Variants in RAB33A observed in about 807,000 individuals in gnomAD.
RAB33A encodes RAB33A, member RAS oncogene family.
A neutral mutation model predicts 12.0 loss-of-function variants in RAB33A; 6 were observed. The observed-to-expected ratio is 0.50, with a 90% CI of 0.27 to 0.99. The LOEUF is 0.99. RAB33A is among the 50% of genes least tolerant of loss of function. The pLI, the probability that RAB33A is intolerant of heterozygous loss-of-function variation, is 0.11. For missense variants in RAB33A, 109 were observed against 192.0 expected, an observed-to-expected ratio of 0.57 and a Z score of 2.55; for synonymous variants, 70 against 82.4, an observed-to-expected ratio of 0.85 and a Z score of 0.81.
At chrX:130,139,845 T>C in the RAB33A span, 2 of 1,209,411 alleles carry the variant, frequency 1.7e-6, no homozygotes, top group African/African-American at 3.5e-5. Context: ...GCCCTATCAA[T>C]GGCAGACAGA....
intron 1 of RAB33A, among the ~76,000 whole-genome samples, chrX:130,182,124 A>T (rs2031732439): frequency 1.3e-5 from 1 of 79,833 alleles, no homozygotes; most frequent in Non-Finnish European, 2.2e-5. Context: ...GCAACATAAC[A>T]AGATTCTGTC....
the RAB33A span, chrX:130,137,080 C>T: frequency 5.8e-6 from 7 of 1,209,209 alleles, no homozygotes; most frequent in African/African-American, 5.3e-5. Context: ...CTCTCTACCT[C>T]GTCTGACTTT....
At chrX:130,133,795 ATTT>A in the RAB33A span, among the ~76,000 whole-genome samples, 1 of 99,864 alleles carries the variant, frequency 1.0e-5, no homozygotes, top group Admixed American at 1.1e-4. Context: ...GCCTGGCTAA[ATTT>A]TTTTTTTTTT....
chrX:130,160,181 G>A, the RAB33A span, among the ~76,000 whole-genome samples: 1 of 112,002 alleles, frequency 8.9e-6, no homozygotes, highest in African/African-American at 3.2e-5. Flanking sequence ...TTTGTAAAAT[G>A]TACTAAGTAT....
At chrX:130,127,861 TG>T in the RAB33A span, among the ~76,000 whole-genome samples, 7 of 109,613 alleles carry the variant, frequency 6.4e-5, no homozygotes, top group African/African-American at 2.3e-4. Flanking sequence ...GGCGAATTTT[TG>T]TATTTTTAGT....
intron 1 of RAB33A, among the ~76,000 whole-genome samples, chrX:130,173,381 T>C (rs1231360177): frequency 1.8e-5 from 2 of 110,818 alleles, no homozygotes; most frequent in Non-Finnish European, 3.8e-5. Context: ...TTAGACAGAG[T>C]CAGGGGTGAC....
At chrX:130,153,390 C>T in the RAB33A span, among the ~76,000 whole-genome samples, 1 of 107,427 alleles carries the variant, frequency 9.3e-6, no homozygotes, top group Non-Finnish European at 1.9e-5. Context: ...CAGTTTACTC[C>T]CTTTTTTTGG....
chrX:130,137,145 C>G, the RAB33A span: 1 of 1,211,446 alleles, frequency 8.3e-7, no homozygotes, highest in Non-Finnish European at 1.1e-6. Context: ...TATTTCCTTT[C>G]TCGGGGAAGA....
At chrX:130,160,860 T>C in the RAB33A span, among the ~76,000 whole-genome samples, 2 of 108,013 alleles carry the variant, frequency 1.9e-5, no homozygotes, top group African/African-American at 6.8e-5. Context: ...CTGGCCAACA[T>C]GGTGAAACCC....
the RAB33A span, among the ~76,000 whole-genome samples, chrX:130,117,413 TG>T: frequency 9.0e-6 from 1 of 111,245 alleles, no homozygotes; most frequent in Non-Finnish European, 1.9e-5. Context: ...CTGAGCGTGG[TG>T]GCTGCTGGGA....
At chrX:130,139,970 C>A in the RAB33A span, 1 of 736,151 alleles carries the variant, frequency 1.4e-6, no homozygotes, top group South Asian at 2.1e-5. Context: ...CTTCACTTAG[C>A]ACCATGGCGG....
upstream of RAB33A, among the ~76,000 whole-genome samples, chrX:130,168,210 CTT>C (rs377586962): frequency 1.3e-4 from 12 of 94,125 alleles, no homozygotes; most frequent in East Asian, 3.3e-4. Flanking sequence ...CAAAGATACT[CTT>C]TTTTTTTTTT....
the RAB33A span, among the ~76,000 whole-genome samples, chrX:130,152,649 T>C: frequency 8.9e-6 from 1 of 112,088 alleles, no homozygotes; most frequent in African/African-American, 3.2e-5. Context: ...AAAGGCCACT[T>C]TGGCTCTGCC....
chrX:130,127,541 T>C, the RAB33A span, among the ~76,000 whole-genome samples: 1 of 110,710 alleles, frequency 9.0e-6, no homozygotes, highest in Admixed American at 9.7e-5. Flanking sequence ...TTGACAAAAC[T>C]GTATACAACA....
chrX:130,149,869 C>A, the RAB33A span, among the ~76,000 whole-genome samples: 1 of 112,044 alleles, frequency 8.9e-6, no homozygotes, highest in South Asian at 3.7e-4. Flanking sequence ...AAGAAAAAAT[C>A]ATTTTATACT....
intron 1 of RAB33A, among the ~76,000 whole-genome samples, chrX:130,175,228 T>C (rs1332966271): frequency 9.0e-6 from 1 of 111,046 alleles, no homozygotes; most frequent in Non-Finnish European, 1.9e-5. Context: ...CTTCGCCACC[T>C]CACTATCCTA....
chrX:130,168,877 G>C (rs753431320), upstream of RAB33A, among the ~76,000 whole-genome samples: 38 of 110,874 alleles, frequency 3.4e-4, no homozygotes, highest in African/African-American at 1.1e-3. Flanking sequence ...AGGCCGAGGA[G>C]GGTGGATCAC....
At chrX:130,153,440 GA>G in the RAB33A span, among the ~76,000 whole-genome samples, 726 of 109,520 alleles carry the variant, frequency 6.6e-3, 6 homozygotes, top group Non-Finnish European at 0.01. Context: ...CCCAATACAG[GA>G]ATTGCCAAAG....
At chrX:130,118,880 C>T in the RAB33A span, among the ~76,000 whole-genome samples, 10 of 111,444 alleles carry the variant, frequency 9.0e-5, no homozygotes, top group Non-Finnish European at 1.9e-4. Flanking sequence ...CGGGTCCCCT[C>T]GTGCATGCAT....
Sources: allele counts gnomAD v4.1 joint callset (sites outside exome capture counted in the v4.1 genomes callset), GRCh38; gene constraint gnomAD v4.1.1; transcripts MANE v1.5; gene names NCBI Gene and HGNC (gene_info 2026-07-23, HGNC 2026-07-21).